The following MEI4 variants were observed in gnomAD, a reference collection of about 807,000 sequenced individuals.
MEI4 encodes the protein meiotic double-stranded break formation protein 4, also known as meiosis-specific protein MEI4.
Under a neutral mutation model 31.4 loss-of-function variants are expected in MEI4, and 27 were observed. The ratio of observed to expected loss-of-function variants is 0.86; its 90% CI spans 0.63 to 1.19. The LOEUF (loss-of-function observed/expected upper bound fraction) is 1.19. Ranked by LOEUF, MEI4 falls within the 50% of genes most tolerant of loss-of-function variation. The pLI is 0.00. For missense variants in MEI4, 329 were observed against 398.9 expected, an observed-to-expected ratio of 0.82 and a Z score of 1.49; for synonymous variants, 122 against 145.4, an observed-to-expected ratio of 0.84 and a Z score of 1.16.
rs1262779387 is a variant in MEI4, at chr6:77,924,846, G to A, written c.*1500G>A. Reference sequence around the variant, plus strand: ...GACTGACAGGGGAGTAGACTTGAGTGGGAGAACTTGCAGTTACAGGGCAAT... The same window carrying A: ...GACTGACAGGGGAGTAGACTTGAGTAGGAGAACTTGCAGTTACAGGGCAAT... On this transcript the variant is annotated 3_prime_UTR_variant, in exon 5 of 5. Transcript: ENST00000684080. 6.6e-6 allele frequency: 1 copy of A among 151,862 alleles called. No individual in the cohort carries two copies. The highest frequency in any genetic ancestry group is 1.5e-5 in the Non-Finnish European group (1 of 67,898). 9.4% of individuals were successfully genotyped at this position (151,862 alleles called of 1,614,324 possible).
At position 77,863,569 on chromosome 6, in the gene MEI4, A is replaced by G. The variant is rs1390884088; in HGVS notation, c.900+34507A>G. Among the ~76,000 whole-genome samples, 5 of 152,214 alleles carry G rather than the reference A, an allele frequency of 3.3e-5. No homozygotes were observed. In the East Asian group the frequency reaches 9.6e-4, roughly 29 times the overall value. On this transcript the variant is annotated intron_variant, in intron 4 of 4. Coordinates refer to ENST00000684080, the MANE Select transcript of MEI4 (RefSeq NM_001322247.2). ...AAGAAATGAACAAAGCCTCCAAGAA[A>G]TATGGGACTATGTGAAAAGACCAAA...
chr6:77,808,909 T>A (rs1387384569), intron 3 of MEI4, among the ~76,000 whole-genome samples: 3 of 152,130 alleles, frequency 2.0e-5, no homozygotes, highest in Non-Finnish European at 4.4e-5. Flanking sequence ...CCTGCATTGA[T>A]CAATTCTGGA....
chr6:77,678,037 A>G (rs966124081), intron 1 of MEI4, among the ~76,000 whole-genome samples: 8 of 152,140 alleles, frequency 5.3e-5, no homozygotes, highest in Non-Finnish European at 8.8e-5. Context: ...GTTTTAAACA[A>G]TTGATTTTAA....
chr6:77,658,583 G>T (rs1357533984), intron 1 of MEI4, among the ~76,000 whole-genome samples: 1 of 152,072 alleles, frequency 6.6e-6, no homozygotes, highest in Non-Finnish European at 1.5e-5. Context: ...GTTTCAAGCG[G>T]GATTAGGGGC....
intron 2 of MEI4, among the ~76,000 whole-genome samples, chr6:77,744,369 G>A (rs1445208666): frequency 6.6e-6 from 1 of 152,148 alleles, no homozygotes; most frequent in Non-Finnish European, 1.5e-5. Flanking sequence ...AAGGGTATCA[G>A]TGATGGAAGA....
At chr6:77,806,739 A>C (rs1328189326) in intron 3 of MEI4, among the ~76,000 whole-genome samples, 1 of 152,200 alleles carries the variant, frequency 6.6e-6, no homozygotes, top group Non-Finnish European at 1.5e-5. Context: ...TGGTTGTTAC[A>C]GAGCTTCAAT....
chr6:77,695,187 CA>C (rs2127653753), intron 2 of MEI4, among the ~76,000 whole-genome samples: 1 of 152,072 alleles, frequency 6.6e-6, no homozygotes, highest in Non-Finnish European at 1.5e-5. Flanking sequence ...GAGTAGGTTG[CA>C]AAAATTTTCT....
intron 4 of MEI4, among the ~76,000 whole-genome samples, chr6:77,884,739 C>T (rs1415182551): frequency 6.6e-6 from 1 of 152,138 alleles, no homozygotes; most frequent in Non-Finnish European, 1.5e-5. Flanking sequence ...CAATACCATT[C>T]TGGTTTGGTT....
intron 4 of MEI4, among the ~76,000 whole-genome samples, chr6:77,868,516 T>TATAC (rs60455509): frequency 0.03 from 4,078 of 133,766 alleles, 393 homozygotes; most frequent in African/African-American, 0.11. Context: ...TATATATATA[T>TATAC]ATATATATAT....
At chr6:77,823,107 G>C (rs978327084) in intron 3 of MEI4, among the ~76,000 whole-genome samples, 2 of 151,798 alleles carry the variant, frequency 1.3e-5, no homozygotes, top group African/African-American at 4.8e-5. Context: ...TAGAATTATG[G>C]CATCTTCAGG....
intron 1 of MEI4, among the ~76,000 whole-genome samples, chr6:77,656,784 T>C (rs182773255): frequency 6.6e-6 from 1 of 152,340 alleles, no homozygotes; most frequent in African/African-American, 2.4e-5. Context: ...TCCATTCTTA[T>C]AAAGATTATC....
intron 3 of MEI4, among the ~76,000 whole-genome samples, chr6:77,800,677 A>C (rs755031783): frequency 1.9e-4 from 29 of 152,032 alleles, no homozygotes; most frequent in African/African-American, 6.5e-4. Flanking sequence ...TGAATACCTA[A>C]TTTAGTCAGA....
At chr6:77,792,421 C>T (rs1241483294) in intron 3 of MEI4, among the ~76,000 whole-genome samples, 4 of 152,030 alleles carry the variant, frequency 2.6e-5, no homozygotes, top group Admixed American at 1.3e-4. Flanking sequence ...ACACTCACAC[C>T]AGCAGTGTAC....
chr6:77,742,350 T>G (rs1353825060), intron 2 of MEI4, among the ~76,000 whole-genome samples: 1 of 152,016 alleles, frequency 6.6e-6, no homozygotes, highest in Non-Finnish European at 1.5e-5. Context: ...GTGGTTTTGA[T>G]TTGCATTTCT....
Position 77,743,844 on chromosome 6 carries a change from T to A in MEI4, c.233-17286T>A, listed in dbSNP as rs2127673933. On this transcript the variant is annotated intron_variant, in intron 2 of 4. Coordinates refer to ENST00000684080, the MANE Select transcript of MEI4 (RefSeq NM_001322247.2). ...GCTGTTATGCAGCCACCGCTGCTGA[T>A]ACGCAGGCAAACAGGGTGTGCAGTG... Among the ~76,000 whole-genome samples the A allele has an allele frequency of 1.3e-5, 2 of 152,316 alleles. 1 individual carries two copies. The highest frequency in any genetic ancestry group is 4.1e-4 in the South Asian group (2 of 4,828).
At chr6:77,732,144 G>T (rs1409099161) in intron 2 of MEI4, among the ~76,000 whole-genome samples, 3 of 151,380 alleles carry the variant, frequency 2.0e-5, no homozygotes, top group Non-Finnish European at 4.4e-5. Context: ...CTTGAAAGTA[G>T]TTTTTTCCAA....
rs192435546 is a variant in MEI4, at chr6:77,754,590, C to T, written c.233-6540C>T. Among the ~76,000 whole-genome samples, 58 of 152,288 alleles carry T rather than the reference C, an allele frequency of 3.8e-4. 1 individual carries two copies. The East Asian group carries it at 9.5e-3, about 25-fold the overall frequency. ...AGTTGCTTCCACATTTTCAGGTTAT[C>T]TTTATAGCAGTACCCCACTCTATGC... On this transcript the variant is annotated intron_variant, in intron 2 of 4. Transcript: ENST00000684080.
At chr6:77,697,124 A>G (rs1330354038) in intron 2 of MEI4, among the ~76,000 whole-genome samples, 3 of 152,230 alleles carry the variant, frequency 2.0e-5, no homozygotes, top group Non-Finnish European at 4.4e-5. Flanking sequence ...TCCCGTTATC[A>G]TTTTTTATTG....
rs1181405026 is a variant in MEI4 at position 77,719,177 on chromosome 6, G to C, written c.232+28274G>C. The stretch of plus-strand genomic sequence containing the variant: ...ACCTTGAGGTGTCCAATCTATAATA[G>C]TTCCAAATTCATTGTTTTGTAATAT... On this transcript the variant is annotated intron_variant, in intron 2 of 4. Coordinates refer to ENST00000684080, the MANE Select transcript of MEI4 (RefSeq NM_001322247.2). Among the ~76,000 whole-genome samples, 10 of 142,556 alleles carry C rather than the reference G, an allele frequency of 7.0e-5. 2 individuals carry two copies. The highest frequency in any genetic ancestry group is 2.7e-4 in the African/African-American group (10 of 37,688). 93.5% of individuals were successfully genotyped at this position (142,556 alleles called of 152,430 possible). A position where few individuals can be genotyped will look rare whatever the true frequency, so the allele number is the denominator to read the frequency against.
Sources: gnomAD v4.1 joint callset for allele counts (sites outside exome capture counted in the v4.1 genomes callset) on GRCh38, gnomAD v4.1.1 for gene constraint, MANE v1.5 for transcripts, NCBI Gene and HGNC (gene_info 2026-07-23, HGNC 2026-07-21) for gene names.